Variants in ARHGAP28 observed in about 807,000 individuals in gnomAD.
ARHGAP28 encodes Rho GTPase activating protein 28.
A neutral mutation model predicts 90.7 loss-of-function variants in ARHGAP28; 56 were observed. The ratio of observed to expected loss-of-function variants is 0.62; its 90% CI spans 0.50 to 0.77. ARHGAP28 has a LOEUF of 0.77. Among genes scored for constraint, ARHGAP28 ranks in the 30% least tolerant of loss-of-function variants. ARHGAP28 has a pLI of 0.00. For synonymous variants in ARHGAP28, 308 were observed against 323.3 expected (o/e 0.95, Z 0.51); for missense variants, 869 against 900.9 (o/e 0.96, Z 0.45).
At chr18:6,738,023 A>C (rs1410240687) in intron 1 of ARHGAP28, among the ~76,000 whole-genome samples, 1 of 152,168 alleles carries the variant, frequency 6.6e-6, no homozygotes. Flanking sequence ...TTATTCTGAA[A>C]AGCTAATTAA....
At chr18:6,834,928 G>A (rs150231174) in intron 2 of ARHGAP28, among the ~76,000 whole-genome samples, 1 of 152,304 alleles carries the variant, frequency 6.6e-6, no homozygotes, top group Non-Finnish European at 1.5e-5. Flanking sequence ...TACGAGTTCA[G>A]GTTTGAACAC....
At chr18:6,849,647 A>G (rs1270689313) in intron 3 of ARHGAP28, among the ~76,000 whole-genome samples, 1 of 152,202 alleles carries the variant, frequency 6.6e-6, no homozygotes, top group Non-Finnish European at 1.5e-5. Flanking sequence ...GGTTTCCTAC[A>G]GTAATGTATA....
chr18:6,850,248 G>A (rs958991026), intron 3 of ARHGAP28, among the ~76,000 whole-genome samples: 2 of 152,030 alleles, frequency 1.3e-5, no homozygotes, highest in Admixed American at 6.6e-5. Flanking sequence ...AATTATAAAT[G>A]TTCTTCTCTT....
chr18:6,845,341 C>T (rs116244994), intron 3 of ARHGAP28, among the ~76,000 whole-genome samples: 5,336 of 152,254 alleles, frequency 0.035, 307 homozygotes, highest in African/African-American at 0.12. Flanking sequence ...GGATTACAGA[C>T]ATGAGCCACC....
intron 5 of ARHGAP28, among the ~76,000 whole-genome samples, chr18:6,861,670 AG>A (rs1334150737): frequency 6.6e-6 from 1 of 152,178 alleles, no homozygotes; most frequent in Admixed American, 6.5e-5. Context: ...AGAGGATGGT[AG>A]GCATGCCTTC....
chr18:6,792,686 A>G (rs2056414869), intron 1 of ARHGAP28, among the ~76,000 whole-genome samples: 1 of 152,346 alleles, frequency 6.6e-6, no homozygotes. Flanking sequence ...TAAGCAAGAA[A>G]TCGGGGAAAA....
At chr18:6,742,890 G>C (rs1309556717) in intron 1 of ARHGAP28, among the ~76,000 whole-genome samples, 1 of 152,160 alleles carries the variant, frequency 6.6e-6, no homozygotes, top group African/African-American at 2.4e-5. Context: ...GGCTCAGAAT[G>C]ATCAGACAGC....
chr18:6,745,895 C>A (rs2056019124), intron 1 of ARHGAP28, among the ~76,000 whole-genome samples: 1 of 152,274 alleles, frequency 6.6e-6, no homozygotes, highest in Middle Eastern at 3.4e-3. Flanking sequence ...TTAAGAGGGG[C>A]TGGGCAAGGA....
chr18:6,841,503 C>T (rs1264544792), intron 3 of ARHGAP28, among the ~76,000 whole-genome samples: 1 of 150,922 alleles, frequency 6.6e-6, no homozygotes, highest in East Asian at 1.9e-4. Flanking sequence ...GTATAAAATA[C>T]TTATAAAGAT....
At position 6,799,467 on chromosome 18, in the gene ARHGAP28, C is replaced by T. The variant is rs533666352; in HGVS notation, c.123-25295C>T. ...AAAAAGAACAAAGCCGGAGGCATCA[C>T]GCTACCTGACTTCAAACTATAAGGC... On this transcript the variant is annotated intron_variant, in intron 1 of 17. Transcript: ENST00000383472. Among the ~76,000 whole-genome samples the T allele has an allele frequency of 1.2e-3, 178 of 152,278 alleles. 1 individual carries two copies. Among genetic ancestry groups the T allele is most frequent in the Non-Finnish European group, 1.7e-3 (117 of 68,014 alleles).
intron 1 of ARHGAP28, among the ~76,000 whole-genome samples, chr18:6,800,154 A>C (rs1201824720): frequency 6.6e-6 from 1 of 152,210 alleles, no homozygotes; most frequent in Non-Finnish European, 1.5e-5. Context: ...CAAAACCACA[A>C]TGAGATACAA....
chr18:6,818,940 G>T (rs182116988), intron 1 of ARHGAP28, among the ~76,000 whole-genome samples: 104 of 152,328 alleles, frequency 6.8e-4, no homozygotes, highest in African/African-American at 2.2e-3. Flanking sequence ...GGGAAGCTAC[G>T]TGTCCCCACT....
chr18:6,794,787 A>G (rs985394835), intron 1 of ARHGAP28, among the ~76,000 whole-genome samples: 1 of 152,010 alleles, frequency 6.6e-6, no homozygotes, highest in Non-Finnish European at 1.5e-5. Context: ...GGCTCAAGCA[A>G]TCCTCTTACC....
intron 1 of ARHGAP28, among the ~76,000 whole-genome samples, chr18:6,786,851 A>G (rs1457607633): frequency 6.6e-6 from 1 of 152,114 alleles, no homozygotes; most frequent in Non-Finnish European, 1.5e-5. Context: ...TCTTACCAGC[A>G]AAGTTTTTTA....
chr18:6,737,345 C>T (rs2055937622), intron 1 of ARHGAP28, among the ~76,000 whole-genome samples: 1 of 152,080 alleles, frequency 6.6e-6, no homozygotes, highest in South Asian at 2.1e-4. Context: ...TGTAAGTTTG[C>T]TTGCTTTACT....
At chr18:6,841,162 TCTCTC>T (rs1464043381) in intron 3 of ARHGAP28, among the ~76,000 whole-genome samples, 1 of 102,482 alleles carries the variant, frequency 9.8e-6, no homozygotes, top group African/African-American at 4.0e-5. Context: ...CCTCTTTCTC[TCTCTC>T]CTCTCTCTCT....
chr18:6,790,701 G>A (rs1316833046), intron 1 of ARHGAP28: 1 of 152,156 alleles, frequency 6.6e-6, no homozygotes, highest in African/African-American at 2.4e-5. Context: ...AGAAATTCGT[G>A]GGAGAGAGAA....
intron 2 of ARHGAP28, among the ~76,000 whole-genome samples, chr18:6,829,353 ACT>A (rs1191479885): frequency 6.6e-6 from 1 of 151,944 alleles, no homozygotes; most frequent in African/African-American, 2.4e-5. Context: ...TGTGTTTGTA[ACT>A]CTCTTCTCCA....
At chr18:6,824,683 CTTAA>C in intron 1 of ARHGAP28, 75 bp from the exon 2 acceptor site, 9 of 1,210,898 alleles carry the variant, frequency 7.4e-6, no homozygotes, top group Non-Finnish European at 9.0e-6. Flanking sequence ...ATTAATTAAA[CTTAA>C]TTAAATTTAA....
Sources: allele counts gnomAD v4.1 joint callset (sites outside exome capture counted in the v4.1 genomes callset), GRCh38; gene constraint gnomAD v4.1.1; transcripts MANE v1.5; gene names NCBI Gene and HGNC (gene_info 2026-07-23, HGNC 2026-07-21).